Variants in ERAP2 observed in about 807,000 individuals in gnomAD.
ERAP2 encodes leukocyte-derived arginine aminopeptidase.
ERAP2 carries 118 observed loss-of-function variants against 111.1 expected under a neutral mutation model. The observed-to-expected ratio is 1.06, with a 90% confidence interval of 0.92 to 1.24. The LOEUF is 1.24. Ranked by LOEUF, ERAP2 falls within the 50% of genes most tolerant of loss-of-function variation. ERAP2 has a pLI of 0.00. For missense variants in ERAP2, 1,131 were observed against 1,125.8 expected (o/e 1.00, Z -0.07); for synonymous variants, 410 against 401.2 (o/e 1.02, Z -0.26).
At chr5:96,892,616 C>G (rs957312028) in intron 6 of ERAP2, among the ~76,000 whole-genome samples, 163 bp downstream of exon 6, 1 of 152,212 alleles carries the variant, frequency 6.6e-6, no homozygotes, top group Admixed American at 6.5e-5. Context: ...TACTCAGTCT[C>G]TGAACTGTGG....
Position 96,912,718 on chromosome 5 carries a change from T to C in ERAP2, c.2436T>C (p.Tyr812=). ...TAGWNYLLEQ[Y]ELSMSSAEQN... is the part of the protein sequence containing the mutation. ...GATGGAATTACCTTTTAGAGCAATATGAACTGTCAATGTCAAGTGCTGAAC... is the reference window on the plus strand; with the variant it reads ...GATGGAATTACCTTTTAGAGCAATACGAACTGTCAATGTCAAGTGCTGAAC... The change falls in exon 16 of 19, where the codon TAT becomes TAC. Residue 812 remains tyrosine, a synonymous_variant. Transcript: ENST00000437043. 2 of 1,604,950 alleles carry C rather than the reference T, an allele frequency of 1.2e-6. No individual in the cohort carries two copies. Among genetic ancestry groups the C allele is most frequent in the Non-Finnish European group, 1.7e-6 (2 of 1,177,392 alleles).
At chr5:96,908,583 T>C (rs1319145506) in intron 13 of ERAP2, among the ~76,000 whole-genome samples, 1 of 152,216 alleles carries the variant, frequency 6.6e-6, no homozygotes, top group Non-Finnish European at 1.5e-5. Flanking sequence ...AATGAAATCA[T>C]GTGTAAAAAG....
chr5:96,879,930 T>A lies in ERAP2; in HGVS notation c.245T>A (p.Val82Asp). ...ATTCCTCTCCATTATGACCTCTTTG[T>A]CCACCCCAATCTCACCTCTCTGGAC... is the stretch of plus-strand genomic sequence containing the variant. ...VVIPLHYDLFVHPNLTSLDFV... is the reference protein window; with the variant it reads ...VVIPLHYDLFDHPNLTSLDFV... The change falls in exon 2 of 19, where the codon GTC becomes GAC. Residue 82 changes from valine (V) to aspartate (D), a missense_variant. Val to Asp is a radical substitution (Grantham distance 152, BLOSUM62 -3). Transcript: ENST00000437043. 1.2e-6 allele frequency: 2 copies of A among 1,614,174 alleles called. No homozygotes were observed. The highest frequency in any genetic ancestry group is 1.7e-6 in the Non-Finnish European group (2 of 1,180,026).
intron 4 of ERAP2, among the ~76,000 whole-genome samples, chr5:96,887,668 G>A (rs1011917754): frequency 6.6e-5 from 10 of 151,860 alleles, no homozygotes; most frequent in South Asian, 2.1e-4. Context: ...TAGAGTCTTC[G>A]TTGTTTGCAA....
chr5:96,919,562 A>G lies in ERAP2; in HGVS notation c.*1957A>G, dbSNP rs1787763497. ...TCTTTCTTTTGTATTGTTATTTACA[A>G]TATTGTTAAATTGAATGCATTTGCA... On this transcript the variant is annotated 3_prime_UTR_variant, in exon 19 of 19. Transcript: ENST00000437043. 1 of 152,280 alleles carries G rather than the reference A, an allele frequency of 6.6e-6. No homozygotes were observed. Among genetic ancestry groups the G allele is most frequent in the Non-Finnish European group, 1.5e-5 (1 of 68,032 alleles). 9.4% of individuals were successfully genotyped at this position (152,280 alleles called of 1,614,324 possible). A position where few individuals can be genotyped will look rare whatever the true frequency, so the allele number is the denominator to read the frequency against.
chr5:96,891,801 G>A (rs1370065898), intron 5 of ERAP2, among the ~76,000 whole-genome samples: 1 of 151,964 alleles, frequency 6.6e-6, no homozygotes, highest in Non-Finnish European at 1.5e-5. Context: ...AATATCAATC[G>A]AAATATTGAC....
At chr5:96,899,577 T>G (rs1785234683) in intron 9 of ERAP2, among the ~76,000 whole-genome samples, 1 of 152,246 alleles carries the variant, frequency 6.6e-6, no homozygotes, top group Non-Finnish European at 1.5e-5. Context: ...AATTGCCAAG[T>G]TGGTACTTTT....
chr5:96,883,599 T>C (rs1302908792), intron 2 of ERAP2, among the ~76,000 whole-genome samples, 193 bp from the exon 3 acceptor site: 1 of 152,228 alleles, frequency 6.6e-6, no homozygotes, highest in Non-Finnish European at 1.5e-5. Context: ...AGGGCATTGC[T>C]TATGATTGAT....
At chr5:96,897,846 G>A (rs1296093668) in intron 9 of ERAP2, among the ~76,000 whole-genome samples, 1 of 152,196 alleles carries the variant, frequency 6.6e-6, no homozygotes, top group Non-Finnish European at 1.5e-5. Context: ...ACAAGCACTT[G>A]TGTCCCAGGG....
intron 4 of ERAP2, among the ~76,000 whole-genome samples, chr5:96,887,771 C>G (rs1783912487): frequency 6.6e-6 from 1 of 152,092 alleles, no homozygotes; most frequent in South Asian, 2.1e-4. Context: ...ACTTCTTATC[C>G]CAAGAGACCA....
At chr5:96,907,621 C>G (rs1237966942) in intron 13 of ERAP2, among the ~76,000 whole-genome samples, 1 of 151,020 alleles carries the variant, frequency 6.6e-6, no homozygotes, top group African/African-American at 2.4e-5. Flanking sequence ...GTGGCTCATG[C>G]CTGTAATCCC....
At position 96,896,325 on chromosome 5, in the gene ERAP2, T is replaced by C. The variant is rs188592039; in HGVS notation, c.1240-48T>C. Reference sequence around the variant, plus strand: ...AACCTACTATGTTTTCTATTGCTTTTACAGTGTCAAATAGAAACTAAAACT... The same window carrying C: ...AACCTACTATGTTTTCTATTGCTTTCACAGTGTCAAATAGAAACTAAAACT... On this transcript the variant is annotated intron_variant, in intron 7 of 18. Transcript: ENST00000437043. 2.5e-4 allele frequency: 370 copies of C among 1,469,862 alleles called. No homozygotes were observed. The East Asian group carries it at 2.7e-3, about 11-fold the overall frequency. The allele number at this position is 1,469,862 out of a possible 1,614,324, so 91.1% of individuals were successfully genotyped here.
intron 6 of ERAP2, 114 bp downstream of exon 6, chr5:96,892,567 T>G: frequency 8.2e-7 from 1 of 1,218,460 alleles, no homozygotes; most frequent in Non-Finnish European, 1.1e-6. Context: ...GAGGGGAACT[T>G]AGAGACTACT....
At chr5:96,912,289 A>G (rs2042385) in intron 15 of ERAP2, among the ~76,000 whole-genome samples, 75,479 of 151,276 alleles carry the variant, frequency 0.5, 19,030 homozygotes, top group Admixed American at 0.57. Context: ...TATAGCACCA[A>G]TAGTGGCCAC....
chr5:96,895,394 T>A (rs1264217444), intron 7 of ERAP2, 35 bp downstream of exon 7: 1 of 1,328,382 alleles, frequency 7.5e-7, no homozygotes, highest in African/African-American at 1.5e-5. Flanking sequence ...TACTATATGG[T>A]GTAAAGAATC....
At chr5:96,891,572 TAC>T (rs1319654321) in intron 5 of ERAP2, among the ~76,000 whole-genome samples, 5,499 of 132,854 alleles carry the variant, frequency 0.041, 159 homozygotes, top group East Asian at 0.094. Flanking sequence ...ACATATATGG[TAC>T]ACACACACAC....
chr5:96,906,417 C>A (rs562792639), intron 13 of ERAP2, among the ~76,000 whole-genome samples: 3 of 152,134 alleles, frequency 2.0e-5, no homozygotes, highest in Non-Finnish European at 4.4e-5. Context: ...CAGGCACACA[C>A]CACCATGCCC....
At chr5:96,881,666 TTCTG>T (rs1218535298) in intron 2 of ERAP2, among the ~76,000 whole-genome samples, 1 of 152,172 alleles carries the variant, frequency 6.6e-6, no homozygotes, top group Non-Finnish European at 1.5e-5. Context: ...CCCAGGCTCC[TTCTG>T]TCTTTCTGCT....
intron 17 of ERAP2, 121 bp from the exon 18 acceptor site, chr5:96,915,567 C>G (rs533626396): frequency 2.2e-6 from 1 of 459,002 alleles, no homozygotes; most frequent in East Asian, 3.6e-5. Context: ...TTCACCGTAT[C>G]TATTGTAATA....
Sources: allele counts gnomAD v4.1 joint callset (sites outside exome capture counted in the v4.1 genomes callset), GRCh38; gene constraint gnomAD v4.1.1; transcripts MANE v1.5; gene names NCBI Gene and HGNC (gene_info 2026-07-23, HGNC 2026-07-21).